Variants in HECW1 observed in about 807,000 individuals in gnomAD.
The protein encoded by HECW1 is HECT, C2 and WW domain containing E3 ubiquitin protein ligase 1.
HECW1 carries 61 observed loss-of-function variants against 182.3 expected under a neutral mutation model. The observed-to-expected ratio is 0.33, with a 90% CI of 0.27 to 0.41. The LOEUF (loss-of-function observed/expected upper bound fraction) is 0.41. HECW1 is among the 10% of genes least tolerant of loss of function. The pLI is 1.00. For missense variants in HECW1, 1,739 were observed against 2,108.9 expected, an observed-to-expected ratio of 0.82 and a Z score of 3.44; for synonymous variants, 859 against 832.6, an observed-to-expected ratio of 1.03 and a Z score of -0.55.
chr7:43,437,571 C>T (rs898121502), intron 8 of HECW1, among the ~76,000 whole-genome samples: 77 of 152,188 alleles, frequency 5.1e-4, no homozygotes, highest in African/African-American at 1.8e-3. Context: ...GTCTCTTCCC[C>T]CTCTCAAGGA....
intron 13 of HECW1, among the ~76,000 whole-genome samples, chr7:43,457,511 G>A (rs185951972): frequency 7.9e-4 from 121 of 152,280 alleles, no homozygotes; most frequent in African/African-American, 2.7e-3. Flanking sequence ...AGTGGCTCAC[G>A]CCTGTAATCC....
In HECW1 at chr7:43,366,793, A is replaced by G. The variant is rs540729090; in HGVS notation, c.555+5813A>G. ...CTCAATTTTACCCTTGAAATGTGTCAAAAAGGAGTATCCAAAAACTAATGG... is the reference window on the plus strand; with the variant it reads ...CTCAATTTTACCCTTGAAATGTGTCGAAAAGGAGTATCCAAAAACTAATGG... On this transcript the variant is annotated intron_variant, in intron 6 of 29. Transcript: ENST00000395891. Among the ~76,000 whole-genome samples the G allele has an allele frequency of 3.9e-5, 6 of 152,252 alleles. No homozygotes were observed. In the East Asian group the frequency reaches 1.2e-3, roughly 29 times the overall value.
chr7:43,323,426 T>A (rs1217050644), intron 5 of HECW1, among the ~76,000 whole-genome samples: 1 of 152,036 alleles, frequency 6.6e-6, no homozygotes, highest in Non-Finnish European at 1.5e-5. Flanking sequence ...AAACCCCATC[T>A]CTGCAGAAAA....
At chr7:43,320,798 C>T in intron 5 of HECW1, 56 bp downstream of exon 5, 2 of 1,303,046 alleles carry the variant, frequency 1.5e-6, no homozygotes, top group South Asian at 1.2e-5. Context: ...CAGAATTCAA[C>T]TGTTTCATTA....
chr7:43,293,901 G>A (rs1013194826), intron 3 of HECW1, among the ~76,000 whole-genome samples: 1 of 152,004 alleles, frequency 6.6e-6, no homozygotes, highest in Admixed American at 6.6e-5. Flanking sequence ...GACAAGCAGC[G>A]ACATTAGATT....
At chr7:43,466,101 GGAAA>G (rs1356768412) in intron 14 of HECW1, among the ~76,000 whole-genome samples, 4 of 135,578 alleles carry the variant, frequency 3.0e-5, no homozygotes, top group Admixed American at 1.6e-4. Flanking sequence ...AGAGAAAGAA[GGAAA>G]GAAAGATGAA....
chr7:43,388,695 T>C (rs1013976509), intron 6 of HECW1, among the ~76,000 whole-genome samples: 1 of 152,172 alleles, frequency 6.6e-6, no homozygotes, highest in Non-Finnish European at 1.5e-5. Flanking sequence ...TAATCTCAGC[T>C]CACTGAAACC....
chr7:43,137,528 T>A (rs6971386), intron 2 of HECW1, among the ~76,000 whole-genome samples: 3,103 of 147,500 alleles, frequency 0.021, 128 homozygotes, highest in African/African-American at 0.059. Flanking sequence ...TTCTGCCTTC[T>A]TTTATTTATT....
In HECW1 at chr7:43,552,097, T is replaced by C. The variant is rs530852859; in HGVS notation, c.4396-125T>C. 101 of 657,244 alleles carry C rather than the reference T, an allele frequency of 1.5e-4. No homozygotes were observed. The South Asian group carries it at 1.7e-3, about 11-fold the overall frequency. The allele number at this position is 657,244 out of a possible 1,614,324, so 40.7% of individuals were successfully genotyped here. ...CAATAATTTTCAAGTTAAAAATGAT[T>C]ACAGACTCAAAAAAAGTATTGCCAG... On this transcript the variant is annotated intron_variant, in intron 27 of 29. Coordinates refer to ENST00000395891, the MANE Select transcript of HECW1 (RefSeq NM_015052.5).
At chr7:43,502,568 G>A (rs1235899935) in intron 21 of HECW1, among the ~76,000 whole-genome samples, 1 of 152,012 alleles carries the variant, frequency 6.6e-6, no homozygotes, top group Non-Finnish European at 1.5e-5. Context: ...AGGCTAAGGC[G>A]GGATCTCTTG....
chr7:43,206,665 G>A (rs1583968644), intron 2 of HECW1, among the ~76,000 whole-genome samples: 1 of 152,078 alleles, frequency 6.6e-6, no homozygotes, highest in Non-Finnish European at 1.5e-5. Context: ...CTGGGTGCTG[G>A]GTGCTGCTTT....
chr7:43,348,984 G>C (rs1814041572), intron 5 of HECW1, among the ~76,000 whole-genome samples: 1 of 152,016 alleles, frequency 6.6e-6, no homozygotes, highest in Admixed American at 6.6e-5. Context: ...TGTGTGTTCT[G>C]TGTTTGTTGA....
chr7:43,497,631 T>C lies in HECW1; in HGVS notation c.3438-3068T>C, dbSNP rs1047654941. The stretch of plus-strand genomic sequence containing the variant: ...GGGGCTATGCAGGAGACTATTATAT[T>C]CATCCATGATGATGGTCGTGTGGAT... On this transcript the variant is annotated intron_variant, in intron 19 of 29. Transcript: ENST00000395891. 7.2e-5 allele frequency among the ~76,000 whole-genome samples: 11 copies of C among 152,142 alleles called. 1 individual carries two copies. The highest frequency in any genetic ancestry group is 5.9e-4 in the Admixed American group (9 of 15,272).
At chr7:43,217,544 C>T (rs1796552242) in intron 2 of HECW1, among the ~76,000 whole-genome samples, 1 of 152,212 alleles carries the variant, frequency 6.6e-6, no homozygotes. Flanking sequence ...ATGTCTCACT[C>T]CCTCCAGAAT....
At chr7:43,200,957 C>T (rs563385632) in intron 2 of HECW1, among the ~76,000 whole-genome samples, 8 of 152,328 alleles carry the variant, frequency 5.3e-5, no homozygotes, top group East Asian at 1.9e-4. Flanking sequence ...ACCCTTTCTT[C>T]ATTTTCCAGA....
At position 43,264,670 on chromosome 7, in the gene HECW1, C is replaced by T. The variant is rs567236835; in HGVS notation, c.27+20738C>T. ...ACCATCCTGGCTAACACAGTGAACC[C>T]CGTCTCTACTAAAAATACAAAAAAT... On this transcript the variant is annotated intron_variant, in intron 3 of 29. Transcript: ENST00000395891. Among the ~76,000 whole-genome samples the T allele has an allele frequency of 1.4e-4, 21 of 152,002 alleles. No individual in the cohort carries two copies. The South Asian group carries it at 4.4e-3, about 32-fold the overall frequency.
chr7:43,137,528 T>TTTTATTTATTTATTTATTTA (rs368972324), intron 2 of HECW1, among the ~76,000 whole-genome samples: 45 of 147,540 alleles, frequency 3.1e-4, no homozygotes, highest in African/African-American at 1.1e-3. Context: ...TTCTGCCTTC[T>TTTTATTTATTTATTTATTTA]TTTATTTATT....
rs535614621 is a variant in HECW1, at chr7:43,395,294, T to C, written c.556-1520T>C. On this transcript the variant is annotated intron_variant, in intron 6 of 29. Transcript: ENST00000395891. ...TTTAAACTGTAAACTACAAACTAAGTTTCTCCTAAAGTTAGTTCAGCCTAT... is the reference window on the plus strand; with the variant it reads ...TTTAAACTGTAAACTACAAACTAAGCTTCTCCTAAAGTTAGTTCAGCCTAT... Among the ~76,000 whole-genome samples, 3 of 152,246 alleles carry C rather than the reference T, an allele frequency of 2.0e-5. No homozygotes were observed. The South Asian group carries it at 6.2e-4, about 32-fold the overall frequency.
chr7:43,534,359 T>C (rs991856718), intron 24 of HECW1, among the ~76,000 whole-genome samples: 5 of 152,282 alleles, frequency 3.3e-5, no homozygotes, highest in African/African-American at 9.6e-5. Flanking sequence ...AAAAATACAC[T>C]GAAATCATTA....
Sources: allele counts gnomAD v4.1 joint callset (sites outside exome capture counted in the v4.1 genomes callset), GRCh38; gene constraint gnomAD v4.1.1; transcripts MANE v1.5; gene names NCBI Gene and HGNC (gene_info 2026-07-23, HGNC 2026-07-21).